The following DSCAM variants were observed in gnomAD, a reference collection of about 807,000 sequenced individuals.
DSCAM encodes DS cell adhesion molecule.
Under a neutral mutation model 217.7 loss-of-function variants are expected in DSCAM, and 47 were observed. The ratio of observed to expected loss-of-function variants is 0.22; its 90% CI spans 0.17 to 0.28. DSCAM has a LOEUF of 0.28. DSCAM is among the 10% of genes least tolerant of loss of function. The probability of loss-of-function intolerance (pLI) is 1.00; values close to 1 mark genes in which losing one functional copy is unlikely to be tolerated. For synonymous variants in DSCAM, 1,056 were observed against 1,015.3 expected (o/e 1.04, Z -0.76); for missense variants, 2,080 against 2,618.3 (o/e 0.79, Z 4.49).
chr21:40,358,107 T>C (rs1052698426), intron 4 of DSCAM, among the ~76,000 whole-genome samples: 1 of 152,174 alleles, frequency 6.6e-6, no homozygotes, highest in African/African-American at 2.4e-5. Context: ...CCTCTGACTT[T>C]CTTTGCAGAA....
chr21:40,486,927 G>A (rs2076033187), intron 3 of DSCAM, among the ~76,000 whole-genome samples: 1 of 151,944 alleles, frequency 6.6e-6, no homozygotes, highest in Admixed American at 6.6e-5. Flanking sequence ...CTCCTTCCTG[G>A]GTGCCAGTCC....
chr21:40,737,666 T>C (rs929957326), intron 1 of DSCAM, among the ~76,000 whole-genome samples: 1 of 152,164 alleles, frequency 6.6e-6, no homozygotes, highest in Non-Finnish European at 1.5e-5. Context: ...CCTGTCTGGG[T>C]TCATGTGTCA....
chr21:40,352,257 G>A (rs2074639042), intron 5 of DSCAM, among the ~76,000 whole-genome samples: 1 of 152,154 alleles, frequency 6.6e-6, no homozygotes, highest in African/African-American at 2.4e-5. Flanking sequence ...GGAGAACAGG[G>A]AGCTAGGAGA....
chr21:40,187,809 G>T, intron 13 of DSCAM, 82 bp downstream of exon 13: 2 of 1,211,794 alleles, frequency 1.7e-6, no homozygotes, highest in South Asian at 1.2e-5. Context: ...GCAAGTTGAG[G>T]ACACAGAGAT....
At chr21:40,245,325 C>T (rs937546856) in intron 11 of DSCAM, among the ~76,000 whole-genome samples, 2 of 152,144 alleles carry the variant, frequency 1.3e-5, no homozygotes, top group African/African-American at 2.4e-5. Flanking sequence ...CAAAAAGGGG[C>T]CTGTTATCCT....
intron 2 of DSCAM, among the ~76,000 whole-genome samples, chr21:40,694,167 G>T (rs2090571801): frequency 6.6e-6 from 1 of 152,194 alleles, no homozygotes; most frequent in Non-Finnish European, 1.5e-5. Flanking sequence ...GTCCCAATTA[G>T]ATGTGCCAGC....
At chr21:40,829,407 G>A (rs964632919) in intron 1 of DSCAM, among the ~76,000 whole-genome samples, 7 of 152,188 alleles carry the variant, frequency 4.6e-5, no homozygotes, top group East Asian at 1.9e-4. Flanking sequence ...GAGCCCACTC[G>A]AGGTTTGTGG....
At chr21:40,808,287 C>A (rs896542486) in intron 1 of DSCAM, among the ~76,000 whole-genome samples, 7 of 152,098 alleles carry the variant, frequency 4.6e-5, no homozygotes, top group Non-Finnish European at 1.0e-4. Context: ...AAAATGCCCA[C>A]TGAAGATTGC....
At chr21:40,540,680 C>G (rs2076536072) in intron 3 of DSCAM, among the ~76,000 whole-genome samples, 1 of 152,108 alleles carries the variant, frequency 6.6e-6, no homozygotes, top group South Asian at 2.1e-4. Context: ...GCTACTGGGT[C>G]CCGCATCTCC....
intron 1 of DSCAM, among the ~76,000 whole-genome samples, chr21:40,766,686 A>C (rs1170187629): frequency 8.2e-5 from 10 of 121,686 alleles, no homozygotes; most frequent in African/African-American, 3.0e-4. Flanking sequence ...AAAAAAAAAA[A>C]AACAACTTTT....
intron 16 of DSCAM, among the ~76,000 whole-genome samples, chr21:40,145,625 A>C (rs540519223): frequency 4.5e-4 from 68 of 152,176 alleles, no homozygotes; most frequent in African/African-American, 1.6e-3. Flanking sequence ...TGGGCGGATC[A>C]CTTGAGGTCA....
chr21:40,659,101 C>T (rs908227783), intron 3 of DSCAM, among the ~76,000 whole-genome samples: 4 of 152,226 alleles, frequency 2.6e-5, no homozygotes, highest in East Asian at 3.9e-4. Context: ...CCATCAGTAA[C>T]GCTGCCCCCA....
At chr21:40,703,156 T>A (rs767246721) in intron 2 of DSCAM, among the ~76,000 whole-genome samples, 1 of 152,184 alleles carries the variant, frequency 6.6e-6, no homozygotes, top group Non-Finnish European at 1.5e-5. Flanking sequence ...CCTTTAAGAT[T>A]TCTTGTAGTA....
At chr21:40,345,176 T>C (rs2074544582) in intron 6 of DSCAM, among the ~76,000 whole-genome samples, 1 of 152,208 alleles carries the variant, frequency 6.6e-6, no homozygotes, top group Admixed American at 6.5e-5. Flanking sequence ...TTATTGAACA[T>C]ATTTTAAATA....
At chr21:40,033,906 C>T (rs916306892) in intron 32 of DSCAM, among the ~76,000 whole-genome samples, 66 of 137,222 alleles carry the variant, frequency 4.8e-4, no homozygotes, top group Non-Finnish European at 8.7e-4. Flanking sequence ...AGGCACCCCC[C>T]AGCAGGGGCA....
intron 15 of DSCAM, among the ~76,000 whole-genome samples, chr21:40,175,026 C>T (rs2090708707): frequency 6.6e-6 from 1 of 152,204 alleles, no homozygotes; most frequent in Non-Finnish European, 1.5e-5. Context: ...TACTTTTCTG[C>T]ATGAAGTCCT....
intron 3 of DSCAM, among the ~76,000 whole-genome samples, chr21:40,432,606 G>A (rs1241761797): frequency 2.0e-5 from 3 of 152,126 alleles, no homozygotes; most frequent in Non-Finnish European, 4.4e-5. Flanking sequence ...GGTGAATGGG[G>A]CATTATTCAG....
At chr21:40,325,479 G>A (rs1032641431) in intron 8 of DSCAM, among the ~76,000 whole-genome samples, 1 of 152,042 alleles carries the variant, frequency 6.6e-6, no homozygotes, top group African/African-American at 2.4e-5. Context: ...TCTTAAACAA[G>A]GTCCAAATGA....
chr21:40,104,069 A>G (rs1444872787), intron 20 of DSCAM, among the ~76,000 whole-genome samples: 1 of 152,170 alleles, frequency 6.6e-6, no homozygotes, highest in African/African-American at 2.4e-5. Context: ...CCCAGGTGGC[A>G]TTACAGATAC....
Sources: allele counts gnomAD v4.1 joint callset (sites outside exome capture counted in the v4.1 genomes callset), GRCh38; gene constraint gnomAD v4.1.1; transcripts MANE v1.5; gene names NCBI Gene and HGNC (gene_info 2026-07-23, HGNC 2026-07-21).